FAAH2: variants seen among roughly 807,000 people sequenced by gnomAD.
FAAH2 encodes fatty acid amide hydrolase 2.
Under a neutral mutation model 36.9 loss-of-function variants are expected in FAAH2, and 60 were observed. That is an observed-to-expected ratio of 1.63 (90% CI 1.32 to 2.02). The LOEUF is 2.02. FAAH2 is among the 30% of genes most tolerant of loss of function. The pLI is 0.00. For synonymous variants in FAAH2, 214 were observed against 143.8 expected (o/e 1.49, Z -3.49); for missense variants, 689 against 397.5 (o/e 1.73, Z -6.23).
chrX:57,142,154 G>T, the FAAH2 span, among the ~76,000 whole-genome samples: 26 of 111,741 alleles, frequency 2.3e-4, no homozygotes, highest in South Asian at 9.3e-3. Context: ...CTCAAGGTTT[G>T]ATTTGTTCTT....
chrX:57,408,958 C>T (rs759371817), intron 7 of FAAH2, among the ~76,000 whole-genome samples: 1 of 110,688 alleles, frequency 9.0e-6, no homozygotes, highest in South Asian at 3.8e-4. Context: ...ATTGTGTGAA[C>T]AATATAGAGT....
chrX:57,411,247 C>T (rs1271422015), intron 7 of FAAH2, among the ~76,000 whole-genome samples: 2 of 112,018 alleles, frequency 1.8e-5, no homozygotes, highest in African/African-American at 6.5e-5. Flanking sequence ...CTGACCATCC[C>T]ATTTATTTTC....
At chrX:57,447,335 A>G (rs1286325036) in intron 9 of FAAH2, among the ~76,000 whole-genome samples, 1 of 111,079 alleles carries the variant, frequency 9.0e-6, no homozygotes, top group Non-Finnish European at 1.9e-5. Flanking sequence ...TTCTGGGTGT[A>G]CTGTGCAAGC....
At chrX:57,300,607 A>G (rs2052326536) in intron 2 of FAAH2, among the ~76,000 whole-genome samples, 1 of 111,943 alleles carries the variant, frequency 8.9e-6, no homozygotes, top group African/African-American at 3.2e-5. Flanking sequence ...AAATTGACAA[A>G]TGGGATCTAA....
chrX:57,275,855 A>G, the FAAH2 span, among the ~76,000 whole-genome samples: 1 of 112,056 alleles, frequency 8.9e-6, no homozygotes, highest in South Asian at 3.7e-4. Flanking sequence ...AAGGGATCAA[A>G]TCAACAAGAA....
chrX:57,217,629 C>T, the FAAH2 span, among the ~76,000 whole-genome samples: 1 of 111,837 alleles, frequency 8.9e-6, no homozygotes, highest in African/African-American at 3.3e-5. Context: ...TATTCTGTTC[C>T]ATTGGTCTAT....
At chrX:57,216,502 G>A in the FAAH2 span, among the ~76,000 whole-genome samples, 23 of 52,223 alleles carry the variant, frequency 4.4e-4, no homozygotes, top group African/African-American at 1.6e-3. Flanking sequence ...ATACGTATAT[G>A]TATATATATA....
chrX:57,251,785 G>C, the FAAH2 span, among the ~76,000 whole-genome samples: 2 of 111,911 alleles, frequency 1.8e-5, no homozygotes, highest in African/African-American at 6.5e-5. Context: ...GATCGACACA[G>C]AAGATGGGTG....
chrX:57,134,555 C>G, the FAAH2 span: 5 of 111,838 alleles, frequency 4.5e-5, no homozygotes, highest in East Asian at 1.4e-3. Flanking sequence ...AGGCTCAGTC[C>G]TCTGATGCCC....
chrX:57,252,204 T>C, the FAAH2 span, among the ~76,000 whole-genome samples: 1 of 112,384 alleles, frequency 8.9e-6, no homozygotes, highest in Non-Finnish European at 1.9e-5. Context: ...AGAAGGCGGT[T>C]CTATGCTCAC....
chrX:57,147,698 G>A, the FAAH2 span, among the ~76,000 whole-genome samples: 11 of 111,566 alleles, frequency 9.9e-5, no homozygotes, highest in South Asian at 3.7e-4. Flanking sequence ...GTAGGTTAAC[G>A]CTATCAGCTT....
At chrX:57,227,466 T>A in the FAAH2 span, among the ~76,000 whole-genome samples, 89 of 111,413 alleles carry the variant, frequency 8.0e-4, 2 homozygotes, top group East Asian at 0.02. Flanking sequence ...GGGCTGGTAC[T>A]GGGGGTTATC....
intron 10 of FAAH2, among the ~76,000 whole-genome samples, chrX:57,467,432 A>C (rs2057071622): frequency 1.8e-5 from 2 of 111,983 alleles, no homozygotes; most frequent in South Asian, 7.4e-4. Context: ...GGTCTTAGCA[A>C]AGGGCACACC....
chrX:57,236,441 A>G, the FAAH2 span, among the ~76,000 whole-genome samples: 1 of 112,432 alleles, frequency 8.9e-6, no homozygotes, highest in Non-Finnish European at 1.9e-5. Context: ...TGGCCAGGCT[A>G]GTCTACAATC....
At chrX:57,213,546 C>A in the FAAH2 span, among the ~76,000 whole-genome samples, 1 of 111,533 alleles carries the variant, frequency 9.0e-6, no homozygotes, top group East Asian at 2.8e-4. Context: ...TCATTCATTT[C>A]AAAAAATTTT....
chrX:57,221,075 T>C, the FAAH2 span, among the ~76,000 whole-genome samples: 2 of 111,308 alleles, frequency 1.8e-5, no homozygotes, highest in Non-Finnish European at 3.8e-5. Flanking sequence ...CAGGTGTCTG[T>C]TGTAGGAATT....
Position 57,407,578 on chromosome X carries a change from T to A in FAAH2, c.997-24340T>A, listed in dbSNP as rs1019727433. On this transcript the variant is annotated intron_variant, in intron 7 of 10. Transcript: ENST00000374900. ...TCTGTACCCTAGCTTATTCTGTAGC[T>A]CTCTGAGAGTTTTTGGCACTCTTCC... Among the ~76,000 whole-genome samples the A allele has an allele frequency of 5.4e-5, 6 of 111,865 alleles. No individual in the cohort carries two copies. In the Admixed American group the frequency reaches 5.7e-4, roughly 11 times the overall value.
chrX:57,165,830 A>G, the FAAH2 span, among the ~76,000 whole-genome samples: 1 of 110,928 alleles, frequency 9.0e-6, no homozygotes, highest in Non-Finnish European at 1.9e-5. Flanking sequence ...CAAGAACTCC[A>G]CCTTTGGGCC....
chrX:57,325,467 C>T (rs1186627909), intron 3 of FAAH2, among the ~76,000 whole-genome samples: 3 of 111,192 alleles, frequency 2.7e-5, no homozygotes, highest in East Asian at 2.8e-4. Flanking sequence ...TCCATCTGGT[C>T]CTGAACTTTT....
Sources: allele counts gnomAD v4.1 joint callset (sites outside exome capture counted in the v4.1 genomes callset), GRCh38; gene constraint gnomAD v4.1.1; transcripts MANE v1.5; gene names NCBI Gene and HGNC (gene_info 2026-07-23, HGNC 2026-07-21).